The following DISC1 variants were observed in gnomAD, a reference collection of about 807,000 sequenced individuals.
DISC1 encodes DISC1 scaffold protein.
DISC1 carries 57 observed loss-of-function variants against 84.5 expected under a neutral mutation model. That is an observed-to-expected ratio of 0.67 (90% CI 0.55 to 0.84). The LOEUF is 0.84. DISC1 is among the 40% of genes least tolerant of loss of function. DISC1 has a pLI of 0.00. For synonymous variants in DISC1, 411 were observed against 415.2 expected (o/e 0.99, Z 0.12); for missense variants, 1,000 against 1,057.8 (o/e 0.95, Z 0.76).
intron 9 of DISC1, among the ~76,000 whole-genome samples, chr1:231,850,291 G>A (rs957804153): frequency 3.3e-5 from 5 of 152,222 alleles, no homozygotes; most frequent in South Asian, 2.1e-4. Flanking sequence ...GGGAACAGAC[G>A]GAGGCGTGAG....
In DISC1 at chr1:232,036,982, T is replaced by C. The variant is rs538134489; in HGVS notation, c.*151T>C. 1.7e-4 allele frequency: 144 copies of C among 825,418 alleles called. 1 individual carries two copies. The highest frequency in any genetic ancestry group is 1.6e-3 in the Middle Eastern group (4 of 2,520). 51.1% of individuals were successfully genotyped at this position (825,418 alleles called of 1,614,324 possible). ...GTGGAAAGGTGGTTCATGTTCATTCTCATCAGTGTGAAACTGAGGAGTCTG... is the reference window on the plus strand; with the variant it reads ...GTGGAAAGGTGGTTCATGTTCATTCCCATCAGTGTGAAACTGAGGAGTCTG... On this transcript the variant is annotated 3_prime_UTR_variant, in exon 13 of 13. Transcript: ENST00000439617.
At chr1:231,776,090 T>C (rs188104668) in intron 6 of DISC1, among the ~76,000 whole-genome samples, 322 of 152,312 alleles carry the variant, frequency 2.1e-3, no homozygotes, top group African/African-American at 7.3e-3. Flanking sequence ...TCTAGCACCA[T>C]TAGCTCAGCC....
intron 11 of DISC1, among the ~76,000 whole-genome samples, chr1:232,018,370 T>C (rs1668670914): frequency 6.6e-6 from 1 of 152,166 alleles, no homozygotes; most frequent in African/African-American, 2.4e-5. Flanking sequence ...TATAACTGAG[T>C]AAAAATGTCC....
At chr1:231,878,073 G>C (rs2086024408) in intron 9 of DISC1, among the ~76,000 whole-genome samples, 1 of 152,156 alleles carries the variant, frequency 6.6e-6, no homozygotes, top group Non-Finnish European at 1.5e-5. Flanking sequence ...AAATGACACT[G>C]ATACCTTAAA....
At chr1:231,868,454 C>T (rs1194884342) in intron 9 of DISC1, among the ~76,000 whole-genome samples, 1 of 152,026 alleles carries the variant, frequency 6.6e-6, no homozygotes, top group Non-Finnish European at 1.5e-5. Flanking sequence ...TTAGACCAGC[C>T]TTTAACTATG....
Position 231,694,295 on chromosome 1 carries a change from A to C in DISC1, c.537A>C (p.Ser179=). The change falls in exon 2 of 13, where the codon TCA becomes TCC. Residue 179 remains serine (S), a synonymous_variant. Coordinates refer to ENST00000439617, the MANE Select transcript of DISC1 (RefSeq NM_018662.3). The part of the protein sequence containing the change: ...RRVRAAGSLP[S]AELSSNSCSP... ...TCCGGGCAGCAGGCTCTCTGCCATCAGCAGAGTTGAGTAGCAACAGCTGCA... is the reference window on the plus strand; with the variant it reads ...TCCGGGCAGCAGGCTCTCTGCCATCCGCAGAGTTGAGTAGCAACAGCTGCA... 1 of 1,614,244 alleles carries C rather than the reference A, an allele frequency of 6.2e-7. No homozygotes were observed. Among genetic ancestry groups the C allele is most frequent in the Non-Finnish European group, 8.5e-7 (1 of 1,180,038 alleles).
Position 231,850,629 on chromosome 1 carries a change from A to G in DISC1, c.1981+32112A>G, listed in dbSNP as rs1255818940. ...TTGCTCTGTTAAGAAATGTTTTTGG[A>G]GTTCTCTATACACTAAAAAAAGAAG... On this transcript the variant is annotated intron_variant, in intron 9 of 12. Coordinates refer to ENST00000439617, the MANE Select transcript of DISC1 (RefSeq NM_018662.3). Among the ~76,000 whole-genome samples the G allele has an allele frequency of 3.9e-5, 6 of 152,218 alleles. No homozygotes were observed. In the South Asian group the frequency reaches 6.2e-4, roughly 16 times the overall value.
intron 1 of DISC1, among the ~76,000 whole-genome samples, chr1:231,654,926 T>G (rs2060932456): frequency 6.6e-6 from 1 of 152,180 alleles, no homozygotes; most frequent in Non-Finnish European, 1.5e-5. Flanking sequence ...CTTAATTAGC[T>G]CTTTGCTACA....
intron 9 of DISC1, among the ~76,000 whole-genome samples, chr1:231,881,296 A>T (rs1249567452): frequency 2.6e-5 from 4 of 152,170 alleles, no homozygotes; most frequent in Non-Finnish European, 5.9e-5. Context: ...GCATTGTTGC[A>T]CTGTCGTGGA....
At chr1:231,838,502 T>C (rs1264685399) in intron 9 of DISC1, among the ~76,000 whole-genome samples, 1 of 152,216 alleles carries the variant, frequency 6.6e-6, no homozygotes, top group Non-Finnish European at 1.5e-5. Flanking sequence ...TCCATGCTTA[T>C]GTAAATAGGA....
At chr1:231,982,466 C>T (rs148264469) in intron 10 of DISC1, among the ~76,000 whole-genome samples, 1 of 152,096 alleles carries the variant, frequency 6.6e-6, no homozygotes, top group African/African-American at 2.4e-5. Context: ...ATTCTATTCC[C>T]TGGAGCTCTG....
At chr1:231,635,764 A>G (rs535997112) in intron 1 of DISC1, among the ~76,000 whole-genome samples, 5 of 152,334 alleles carry the variant, frequency 3.3e-5, no homozygotes, top group East Asian at 1.9e-4. Context: ...TGCATACACT[A>G]TATAGTCAGA....
chr1:231,771,130 T>C, intron 6 of DISC1, 60 bp downstream of exon 6: 1 of 1,486,388 alleles, frequency 6.7e-7, no homozygotes. Context: ...TTCATTGGAA[T>C]GATTTTGTCT....
intron 1 of DISC1, among the ~76,000 whole-genome samples, chr1:231,632,094 C>T (rs1232581561): frequency 2.0e-5 from 3 of 152,176 alleles, no homozygotes; most frequent in African/African-American, 7.2e-5. Context: ...GTATTCAGTA[C>T]AGTAACATGC....
At chr1:231,985,720 A>C (rs1664331762) in intron 10 of DISC1, among the ~76,000 whole-genome samples, 1 of 152,168 alleles carries the variant, frequency 6.6e-6, no homozygotes, top group Non-Finnish European at 1.5e-5. Flanking sequence ...TGTTTCTGTC[A>C]TCTCCAGTAA....
intron 9 of DISC1, among the ~76,000 whole-genome samples, chr1:231,870,006 G>T (rs992899027): frequency 6.6e-6 from 1 of 152,172 alleles, no homozygotes; most frequent in Non-Finnish European, 1.5e-5. Context: ...CTACCTCTGG[G>T]GGCACTACTT....
intron 6 of DISC1, among the ~76,000 whole-genome samples, chr1:231,790,306 G>A (rs190987756): frequency 6.6e-6 from 1 of 152,200 alleles, no homozygotes; most frequent in Admixed American, 6.5e-5. Context: ...AGTCTGCTAG[G>A]GCTGTCGTAA....
intron 9 of DISC1, among the ~76,000 whole-genome samples, chr1:231,819,664 G>C (rs1472634968): frequency 1.3e-5 from 2 of 152,132 alleles, no homozygotes; most frequent in Non-Finnish European, 1.5e-5. Flanking sequence ...ACTAGGGAAT[G>C]ACAACACGCT....
At position 231,925,255 on chromosome 1, in the gene DISC1, A is replaced by G. The variant is rs80081821; in HGVS notation, c.1982-33573A>G. On this transcript the variant is annotated intron_variant, in intron 9 of 12. Coordinates refer to ENST00000439617, the MANE Select transcript of DISC1 (RefSeq NM_018662.3). The stretch of plus-strand genomic sequence containing the variant: ...GCATGATCTTAGAAAGTCACATCTG[A>G]CTCCAAACCTTCGTTTCTTCATCTG... 5.5e-3 allele frequency among the ~76,000 whole-genome samples: 830 copies of G among 152,114 alleles called. 14 individuals carry two copies. Among genetic ancestry groups the G allele is most frequent in the African/African-American group, 0.019 (790 of 41,482 alleles).
Sources: gnomAD v4.1 joint callset for allele counts (sites outside exome capture counted in the v4.1 genomes callset) on GRCh38, gnomAD v4.1.1 for gene constraint, MANE v1.5 for transcripts, NCBI Gene and HGNC (gene_info 2026-07-23, HGNC 2026-07-21) for gene names.